The following MYOCOS variants were observed in gnomAD, a reference collection of about 807,000 sequenced individuals.
MYOCOS encodes the protein myocilin opposite strand.
chr1:171,601,328 T>G (rs897748994), intron 1 of MYOCOS, among the ~76,000 whole-genome samples: 1 of 152,214 alleles, frequency 6.6e-6, no homozygotes, highest in Admixed American at 6.5e-5. Context: ...CTGGACACTT[T>G]GGTTTTAGTT....
intron 1 of MYOCOS, among the ~76,000 whole-genome samples, chr1:171,606,365 AAAC>A (rs1652243382): frequency 6.6e-6 from 1 of 152,244 alleles, no homozygotes; most frequent in African/African-American, 2.4e-5. Context: ...GGGAAGAGAG[AAAC>A]CTTCTCATAT....
At chr1:171,617,453 GAA>G (rs1000581909), upstream of MYOCOS, among the ~76,000 whole-genome samples, 8 of 152,284 alleles carry the variant, frequency 5.3e-5, no homozygotes, top group African/African-American at 1.9e-4. Flanking sequence ...AGGGGTCTGA[GAA>G]AGAGTTGCCA....
intron 1 of MYOCOS, among the ~76,000 whole-genome samples, chr1:171,623,213 G>A (rs1004643499): frequency 9.9e-5 from 15 of 151,982 alleles, no homozygotes; most frequent in Non-Finnish European, 1.3e-4. Flanking sequence ...AAAAGGGGGT[G>A]GGGGGCAACA....
intron 2 of MYOCOS, among the ~76,000 whole-genome samples, chr1:171,626,056 C>A (rs1331577707): frequency 6.6e-6 from 1 of 152,062 alleles, no homozygotes; most frequent in African/African-American, 2.4e-5. Flanking sequence ...TTTTTAGATG[C>A]TGGCATCTGG....
At chr1:171,620,065 TTACA>T (rs1465825351), upstream of MYOCOS, among the ~76,000 whole-genome samples, 4 of 147,098 alleles carry the variant, frequency 2.7e-5, no homozygotes, top group African/African-American at 9.9e-5. Context: ...AAACTCCCCT[TTACA>T]TATATATATA....
chr1:171,619,147 A>T (rs1365975545), upstream of MYOCOS, among the ~76,000 whole-genome samples: 2 of 152,168 alleles, frequency 1.3e-5, no homozygotes, highest in Non-Finnish European at 1.5e-5. Flanking sequence ...TGGTTGTTAA[A>T]TGTATGGACT....
upstream of MYOCOS, among the ~76,000 whole-genome samples, chr1:171,617,248 C>A (rs1031985437): frequency 6.6e-6 from 1 of 152,086 alleles, no homozygotes; most frequent in African/African-American, 2.4e-5. Context: ...CCACCCACTC[C>A]CTTCAGACCT....
upstream of MYOCOS, among the ~76,000 whole-genome samples, chr1:171,619,401 T>C (rs1652513055): frequency 1.3e-5 from 2 of 152,136 alleles, no homozygotes; most frequent in South Asian, 4.1e-4. Flanking sequence ...GTGTGGGAAA[T>C]AGTGATTTTT....
chr1:171,601,506 G>C (rs1383930651), intron 1 of MYOCOS, among the ~76,000 whole-genome samples: 1 of 151,908 alleles, frequency 6.6e-6, no homozygotes, highest in African/African-American at 2.4e-5. Flanking sequence ...AATAGGTCAG[G>C]TGCAAAGTAA....
At chr1:171,626,271 G>T (rs916800175) in intron 2 of MYOCOS, among the ~76,000 whole-genome samples, 183 bp from the exon 3 acceptor site, 5 of 151,950 alleles carry the variant, frequency 3.3e-5, no homozygotes, top group African/African-American at 1.2e-4. Flanking sequence ...TTGTGGAAAG[G>T]GGGTCTCCCT....
chr1:171,608,858 C>G (rs1418441546), intron 1 of MYOCOS, among the ~76,000 whole-genome samples: 1 of 151,990 alleles, frequency 6.6e-6, no homozygotes, highest in Non-Finnish European at 1.5e-5. Context: ...AGAACCAGAG[C>G]CTACACTCCC....
At position 171,608,635 on chromosome 1, in the gene MYOCOS, A is replaced by G. The variant is rs191120235; in HGVS notation, c.-251-6163A>G. Among the ~76,000 whole-genome samples the G allele has an allele frequency of 3.5e-3, 533 of 151,824 alleles. 3 individuals carry two copies. The highest frequency in any genetic ancestry group is 0.012 in the African/African-American group (508 of 41,394). ...ATGGGGTTTCACCGTGTTAGCCAGGATGGTCTCGATCTCCTGACCTCATGA... is the reference window on the plus strand; with the variant it reads ...ATGGGGTTTCACCGTGTTAGCCAGGGTGGTCTCGATCTCCTGACCTCATGA... On this transcript the variant is annotated intron_variant, in intron 1 of 3. Transcript: ENST00000636697.
intron 1 of MYOCOS, among the ~76,000 whole-genome samples, chr1:171,603,748 C>G (rs1464113974): frequency 6.6e-6 from 1 of 152,176 alleles, no homozygotes; most frequent in Non-Finnish European, 1.5e-5. Flanking sequence ...ACTGTAAGGC[C>G]CTGGCCAAGG....
At chr1:171,621,050 G>A (rs899985339), upstream of MYOCOS, among the ~76,000 whole-genome samples, 3 of 151,968 alleles carry the variant, frequency 2.0e-5, no homozygotes, top group South Asian at 2.1e-4. Context: ...TTACAGGCAC[G>A]AGCCACCGTG....
At chr1:171,603,379 G>A (rs1352920135) in intron 1 of MYOCOS, among the ~76,000 whole-genome samples, 2 of 152,100 alleles carry the variant, frequency 1.3e-5, no homozygotes, top group Non-Finnish European at 2.9e-5. Flanking sequence ...TTTCACCCTG[G>A]CATTTCATCA....
chr1:171,626,659 T>C lies in MYOCOS; in HGVS notation c.*58T>C, dbSNP rs1191429772. 1 of 398,442 alleles carries C rather than the reference T, an allele frequency of 2.5e-6. No individual in the cohort carries two copies. The highest frequency in any genetic ancestry group is 4.4e-6 in the Non-Finnish European group (1 of 225,960). The allele number at this position is 398,442 out of a possible 1,614,324, so 24.7% of individuals were successfully genotyped here. A position where few individuals can be genotyped will look rare whatever the true frequency, so the allele number is the denominator to read the frequency against. On this transcript the variant is annotated 3_prime_UTR_variant, in exon 3 of 3. Coordinates refer to ENST00000637642, the MANE Select transcript of MYOCOS (RefSeq NM_001391940.1). ...ACAGAACTCCAGAAAACAGTTTCAG[T>C]GGCATTCTTGAGGTTTGTCTTAGAA...
At chr1:171,603,933 C>T (rs1365326745) in intron 1 of MYOCOS, among the ~76,000 whole-genome samples, 1,656 of 152,272 alleles carry the variant, frequency 0.011, 31 homozygotes, top group African/African-American at 0.038. Flanking sequence ...TACCAAAGGA[C>T]ACCATTAGCT....
intron 1 of MYOCOS, among the ~76,000 whole-genome samples, chr1:171,605,668 C>T (rs917068724): frequency 3.9e-5 from 6 of 151,984 alleles, no homozygotes; most frequent in East Asian, 3.9e-4. Flanking sequence ...ATGCTTCCCG[C>T]GGAAAACGAA....
intron 2 of MYOCOS, among the ~76,000 whole-genome samples, chr1:171,624,597 C>A (rs1321394872): frequency 1.3e-5 from 2 of 151,976 alleles, no homozygotes; most frequent in Non-Finnish European, 2.9e-5. Flanking sequence ...CCACGACGCC[C>A]GGCTAATATT....
Sources: allele counts gnomAD v4.1 joint callset (sites outside exome capture counted in the v4.1 genomes callset), GRCh38; gene constraint gnomAD v4.1.1; transcripts MANE v1.5; gene names NCBI Gene and HGNC (gene_info 2026-07-23, HGNC 2026-07-21).